Variants in CIZ1 observed in about 807,000 individuals in gnomAD.
The protein encoded by CIZ1 is CDKN1A interacting zinc finger protein 1, also known as cip1-interacting zinc finger protein.
Under a neutral mutation model 118.6 loss-of-function variants are expected in CIZ1, and 58 were observed. The observed-to-expected ratio is 0.49, with a 90% CI of 0.40 to 0.61. CIZ1 has a LOEUF of 0.61. Ranked by LOEUF, CIZ1 falls within the 20% of genes least tolerant of loss-of-function variation. CIZ1 has a pLI of 0.00. For missense variants in CIZ1, 921 were observed against 1,115.9 expected (o/e 0.83, Z 2.49); for synonymous variants, 448 against 443.4 (o/e 1.01, Z -0.13).
At chr9:128,202,639 C>G (rs112819079) in intron 1 of CIZ1, 1 of 152,174 alleles carries the variant, frequency 6.6e-6, no homozygotes, top group Non-Finnish European at 1.5e-5. Context: ...AGAACACCCC[C>G]GACTCCTGCC....
chr9:128,201,821 G>C (rs1326245628), intron 1 of CIZ1, among the ~76,000 whole-genome samples: 1 of 152,116 alleles, frequency 6.6e-6, no homozygotes, highest in African/African-American at 2.4e-5. Context: ...CCTGGGTCAC[G>C]CAGCTTGTTT....
chr9:128,180,325 G>C (rs992003730), intron 7 of CIZ1, 90 bp downstream of exon 7: 1 of 929,738 alleles, frequency 1.1e-6, no homozygotes, highest in Non-Finnish European at 1.7e-6. Context: ...CCACTGAATG[G>C]TGCACCCCCT....
Position 128,166,103 on chromosome 9 carries a change from A to G in CIZ1, c.*94T>C. On this transcript the variant is annotated 3_prime_UTR_variant, in exon 17 of 17. Transcript: ENST00000372938. This position sits in a 1 kb window ranked among gnomAD's most constrained non-coding sequence, Gnocchi z 4.4. Reference sequence around the variant, plus strand: ...TACCTTGTTTTATTGGATTTTGAGTAAAAACATGAACCATGTCAAAGTTTC... The same window carrying G: ...TACCTTGTTTTATTGGATTTTGAGTGAAAACATGAACCATGTCAAAGTTTC... 2 of 896,500 alleles carry G rather than the reference A, an allele frequency of 2.2e-6. No individual in the cohort carries two copies. The highest frequency in any genetic ancestry group is 3.2e-6 in the Non-Finnish European group (2 of 625,714). The allele number at this position is 896,500 out of a possible 1,614,324, so 55.5% of individuals were successfully genotyped here.
At chr9:128,172,645 AGTGTTC>A (rs1830289485) in intron 11 of CIZ1, among the ~76,000 whole-genome samples, 1 of 152,214 alleles carries the variant, frequency 6.6e-6, no homozygotes, top group African/African-American at 2.4e-5. Flanking sequence ...AGAGACAGAA[AGTGTTC>A]GTGTTGTCAT....
At chr9:128,186,111 C>T (rs1189607413) in intron 4 of CIZ1, among the ~76,000 whole-genome samples, 1 of 152,072 alleles carries the variant, frequency 6.6e-6, no homozygotes, top group African/African-American at 2.4e-5. Flanking sequence ...GGAGAACCAG[C>T]AGGAGGGCTG....
chr9:128,182,700 TAG>T (rs559011626), intron 5 of CIZ1, among the ~76,000 whole-genome samples: 280 of 152,228 alleles, frequency 1.8e-3, no homozygotes, highest in African/African-American at 6.6e-3. Flanking sequence ...GGCCTTCACT[TAG>T]AGCCTCAGAA....
At chr9:128,175,785 G>C (rs1388513828) in intron 11 of CIZ1, among the ~76,000 whole-genome samples, 2 of 152,144 alleles carry the variant, frequency 1.3e-5, no homozygotes, top group African/African-American at 4.8e-5. Context: ...TGTCCCCGCT[G>C]TGGCCCTAGC....
intron 11 of CIZ1, among the ~76,000 whole-genome samples, chr9:128,175,913 C>G (rs917682677): frequency 6.6e-6 from 1 of 152,154 alleles, no homozygotes; most frequent in Non-Finnish European, 1.5e-5. Context: ...CAGTATAGTT[C>G]CAGACCCCAG....
chr9:128,170,938 C>T (rs1444672764), intron 11 of CIZ1, among the ~76,000 whole-genome samples: 1 of 152,038 alleles, frequency 6.6e-6, no homozygotes, highest in Non-Finnish European at 1.5e-5. Flanking sequence ...CCAACCTGAG[C>T]AACACAGCAA....
At chr9:128,172,584 C>T (rs1351279338) in intron 11 of CIZ1, among the ~76,000 whole-genome samples, 1 of 152,148 alleles carries the variant, frequency 6.6e-6, no homozygotes, top group African/African-American at 2.4e-5. Context: ...TTTTAGGGGA[C>T]ACATGTCCAC....
At chr9:128,182,639 A>G (rs1386469921) in intron 5 of CIZ1, among the ~76,000 whole-genome samples, 1 of 152,068 alleles carries the variant, frequency 6.6e-6, no homozygotes, top group East Asian at 1.9e-4. Flanking sequence ...CTCTCTGCTT[A>G]TCTACCTTGG....
In CIZ1 at chr9:128,203,025, G is replaced by A. The variant is rs1027128676; in HGVS notation, c.-6+1161C>T. ...AGCGAGATGAAGGGGAACTCATCTC[G>A]GAGTTCTGACCTCTGAGGTCAGGAG... is the stretch of plus-strand genomic sequence containing the variant. On this transcript the variant is annotated intron_variant, in intron 1 of 17. Transcript: ENST00000372948. This position sits in a 1 kb window ranked among gnomAD's most constrained non-coding sequence, Gnocchi z 5.3. 10 of 152,102 alleles carry A rather than the reference G, an allele frequency of 6.6e-5. No homozygotes were observed. The highest frequency in any genetic ancestry group is 1.5e-4 in the Non-Finnish European group (10 of 68,012). 9.4% of individuals were successfully genotyped at this position (152,102 alleles called of 1,614,324 possible). A position where few individuals can be genotyped will look rare whatever the true frequency, so the allele number is the denominator to read the frequency against.
rs1833612324 is a variant in CIZ1 at position 128,203,475 on chromosome 9, G to A, written c.-6+711C>T. On this transcript the variant is annotated intron_variant, in intron 1 of 17. Coordinates refer to the CIZ1 transcript ENST00000372948. The surrounding 1 kb of genome is among the most constrained non-coding windows in gnomAD (Gnocchi z 5.3). The stretch of plus-strand genomic sequence containing the variant: ...CCTGCGGGGCCCGCCGCAGCCATGG[G>A]CAACCGCGGCATGGAAGATCTCATC... The A allele has an allele frequency of 2.7e-6, 4 of 1,504,634 alleles. No individual in the cohort carries two copies. The highest frequency in any genetic ancestry group is 1.4e-5 in the African/African-American group (1 of 69,296). 93.2% of individuals were successfully genotyped at this position (1,504,634 alleles called of 1,614,324 possible).
Position 128,174,750 on chromosome 9 carries a change from C to T in CIZ1, c.1943+1601G>A, listed in dbSNP as rs181409153. Among the ~76,000 whole-genome samples, 16 of 151,104 alleles carry T rather than the reference C, an allele frequency of 1.1e-4. No homozygotes were observed. The East Asian group carries it at 3.5e-3, about 33-fold the overall frequency. ...TCTCGGCTCACTGCAACCTCCGCCCCCAGGTTCAAGCAATTCTCCTGCCTC... is the reference window on the plus strand; with the variant it reads ...TCTCGGCTCACTGCAACCTCCGCCCTCAGGTTCAAGCAATTCTCCTGCCTC... On this transcript the variant is annotated intron_variant, in intron 11 of 16. Coordinates refer to ENST00000372938, the MANE Select transcript of CIZ1 (RefSeq NM_001131016.2).
chr9:128,202,701 T>C (rs1180982681), intron 1 of CIZ1: 1 of 152,258 alleles, frequency 6.6e-6, no homozygotes, highest in African/African-American at 2.4e-5. Context: ...TCACCCTGTT[T>C]ATTTCCTCCA....
rs1485834827 is a variant in CIZ1 at position 128,191,210 on chromosome 9, C to T, written c.-6+222G>A. The T allele has an allele frequency of 1.1e-5, 4 of 351,774 alleles. No individual in the cohort carries two copies. In the East Asian group the frequency reaches 1.6e-4, roughly 14 times the overall value. The allele number at this position is 351,774 out of a possible 1,614,324, so 21.8% of individuals were successfully genotyped here. On this transcript the variant is annotated intron_variant, in intron 1 of 16. Transcript: ENST00000372938. The surrounding 1 kb of genome is among the most constrained non-coding windows in gnomAD (Gnocchi z 5.5). Reference sequence around the variant, plus strand: ...CCCATCACTTCCTCACTCACAGCCCCTTTTCAATACCGCAACCCTCTCTGG... The same window carrying T: ...CCCATCACTTCCTCACTCACAGCCCTTTTTCAATACCGCAACCCTCTCTGG...
rs1200339834 is a variant in CIZ1, at chr9:128,169,039, C to T, written c.2295+13G>A. ...CAGCACCAAGCCCGCCTCCCACACC[C>T]TCCCCCCAGCACCTGCTTGCAGAGT... On this transcript the variant is annotated intron_variant, in intron 14 of 16. Coordinates refer to ENST00000372938, the MANE Select transcript of CIZ1 (RefSeq NM_001131016.2). 1 of 1,614,026 alleles carries T rather than the reference C, an allele frequency of 6.2e-7. No homozygotes were observed. The highest frequency in any genetic ancestry group is 1.7e-5 in the Admixed American group (1 of 60,018).
intron 9 of CIZ1, 108 bp downstream of exon 9, chr9:128,178,261 G>A (rs886076503): frequency 5.2e-6 from 7 of 1,335,252 alleles, no homozygotes; most frequent in South Asian, 2.8e-5. Flanking sequence ...CCCATTTCAC[G>A]GTGGGGGAAA....
Position 128,169,175 on chromosome 9 carries a change from A to G in CIZ1, c.2172T>C (p.Ala724=), listed in dbSNP as rs1015352947. Residue 724 remains alanine (A), a synonymous_variant, in exon 14 of 17, where the codon GCT becomes GCC. Coordinates refer to ENST00000372938, the MANE Select transcript of CIZ1 (RefSeq NM_001131016.2). The part of the protein sequence containing the change: ...KELKSLEKEI[A]GQDEDHFITV... ...TAATGAAGTGGTCCTCATCTTGGCC[A>G]GCAATTTCTTTCTCAAGCGACTTCA... 1 of 1,614,176 alleles carries G rather than the reference A, an allele frequency of 6.2e-7. No individual in the cohort carries two copies. The highest frequency in any genetic ancestry group is 8.5e-7 in the Non-Finnish European group (1 of 1,180,024).
Sources: allele counts gnomAD v4.1 joint callset (sites outside exome capture counted in the v4.1 genomes callset), GRCh38; gene constraint gnomAD v4.1.1; non-coding constraint Gnocchi (gnomAD v3.1); transcripts MANE v1.5; gene names NCBI Gene and HGNC (gene_info 2026-07-23, HGNC 2026-07-21).